GALNT18: variants seen among roughly 807,000 people sequenced by gnomAD.
GALNT18 encodes the protein polypeptide N-acetylgalactosaminyltransferase 18, also known as GalNAc-transferase 18.
A neutral mutation model predicts 69.5 loss-of-function variants in GALNT18; 44 were observed. That is an observed-to-expected ratio of 0.63 (90% confidence interval 0.50 to 0.81). The LOEUF (loss-of-function observed/expected upper bound fraction) is 0.81, where lower values mean the gene tolerates loss of function less well. Ranked by LOEUF, GALNT18 falls within the 40% of genes least tolerant of loss-of-function variation. The pLI is 0.00. For missense variants in GALNT18, 715 were observed against 810.0 expected (o/e 0.88, Z 1.42); for synonymous variants, 364 against 318.2 (o/e 1.14, Z -1.53).
At position 11,413,061 on chromosome 11, in the gene GALNT18, A is replaced by G. The variant is rs1027121497; in HGVS notation, c.595+19560T>C. Among the ~76,000 whole-genome samples, 2 of 152,158 alleles carry G rather than the reference A, an allele frequency of 1.3e-5. No homozygotes were observed. Among genetic ancestry groups the G allele is most frequent in the African/African-American group, 4.8e-5 (2 of 41,426 alleles). On this transcript the variant is annotated intron_variant, in intron 3 of 10. Transcript: ENST00000227756. This position sits in a 1 kb window ranked among gnomAD's most constrained non-coding sequence, Gnocchi z 4.7. Reference sequence around the variant, plus strand: ...AGATCTTCCCACAGTGGTGCCTGGCAGCTCTTATTGGTGGTCTCCCTTCCT... The same window carrying G: ...AGATCTTCCCACAGTGGTGCCTGGCGGCTCTTATTGGTGGTCTCCCTTCCT...
intron 1 of GALNT18, among the ~76,000 whole-genome samples, chr11:11,531,397 A>T (rs928320299): frequency 4.6e-5 from 7 of 152,174 alleles, no homozygotes; most frequent in African/African-American, 7.2e-5. Flanking sequence ...AGTGCCCTGG[A>T]GGAAGAAGCT....
intron 1 of GALNT18, among the ~76,000 whole-genome samples, chr11:11,473,997 A>G (rs2133857946): frequency 6.6e-6 from 1 of 152,284 alleles, no homozygotes; most frequent in East Asian, 1.9e-4. Flanking sequence ...CCTGGGAGGT[A>G]GAGGTTGTAG....
chr11:11,432,800 G>T lies in GALNT18; in HGVS notation c.429-13C>A. 1 of 1,610,498 alleles carries T rather than the reference G, an allele frequency of 6.2e-7. No homozygotes were observed. The highest frequency in any genetic ancestry group is 8.5e-7 in the Non-Finnish European group (1 of 1,177,218). On this transcript the variant is annotated splice_polypyrimidine_tract_variant and intron_variant, in intron 2 of 10. Transcript: ENST00000227756. This position sits in a 1 kb window ranked among gnomAD's most constrained non-coding sequence, Gnocchi z 5.8. ...GAGGTTACGGCACCTGCAAAGAACA[G>T]CCAAGCGCTTAGATTTGTGACTCAG...
rs1855003641 is a variant in GALNT18, at chr11:11,421,485, G to T, written c.595+11136C>A. 6.6e-6 allele frequency among the ~76,000 whole-genome samples: 1 copy of T among 152,184 alleles called. No homozygotes were observed. Among genetic ancestry groups the T allele is most frequent in the Non-Finnish European group, 1.5e-5 (1 of 68,034 alleles). ...AGGGAACAGAGTCTAGCCCCTCAAG[G>T]AAGAGGATTGACCAGGGCTAGCTGG... On this transcript the variant is annotated intron_variant, in intron 3 of 10. Transcript: ENST00000227756. The surrounding 1 kb of genome is among the most constrained non-coding windows in gnomAD (Gnocchi z 5.6).
intron 1 of GALNT18, among the ~76,000 whole-genome samples, chr11:11,508,282 G>T (rs536816366): frequency 6.6e-6 from 1 of 152,048 alleles, no homozygotes; most frequent in Non-Finnish European, 1.5e-5. Context: ...TAGAGGATAC[G>T]CTATTTGAGG....
rs542353375 is a variant in GALNT18 at position 11,600,754 on chromosome 11, T to C, written c.235+20605A>G. Among the ~76,000 whole-genome samples the C allele has an allele frequency of 2.0e-5, 3 of 152,150 alleles. No homozygotes were observed. The highest frequency in any genetic ancestry group is 2.9e-5 in the Non-Finnish European group (2 of 68,012). On this transcript the variant is annotated intron_variant, in intron 1 of 10. Coordinates refer to ENST00000227756, the MANE Select transcript of GALNT18 (RefSeq NM_198516.3). This position sits in a 1 kb window ranked among gnomAD's most constrained non-coding sequence, Gnocchi z 4.8. ...TGGCTTCTTTCTTCTTTCATTCAAG[T>C]ATTCCCATTAAACTTAACATTGCTG... is the stretch of plus-strand genomic sequence containing the variant.
rs909822998 is a variant in GALNT18, at chr11:11,538,770, C to T, written c.235+82589G>A. 2.0e-5 allele frequency among the ~76,000 whole-genome samples: 3 copies of T among 152,194 alleles called. No individual in the cohort carries two copies. Among genetic ancestry groups the T allele is most frequent in the African/African-American group, 7.2e-5 (3 of 41,466 alleles). ...GCGCCATCTGGGAAGCACCTGGCCC[C>T]AGGGCCTGCACATCGCAGGCCCGCT... On this transcript the variant is annotated intron_variant, in intron 1 of 10. Coordinates refer to ENST00000227756, the MANE Select transcript of GALNT18 (RefSeq NM_198516.3). The surrounding 1 kb of genome is among the most constrained non-coding windows in gnomAD (Gnocchi z 5.2).
At chr11:11,526,571 G>A (rs1422919751) in intron 1 of GALNT18, among the ~76,000 whole-genome samples, 1 of 151,926 alleles carries the variant, frequency 6.6e-6, no homozygotes, top group East Asian at 1.9e-4. Flanking sequence ...TGGTTATATT[G>A]CAGTAACAAA....
In GALNT18 at chr11:11,430,700, C is replaced by T. The variant is rs376213341; in HGVS notation, c.595+1921G>A. On this transcript the variant is annotated intron_variant, in intron 3 of 10. Transcript: ENST00000227756. The surrounding 1 kb of genome is among the most constrained non-coding windows in gnomAD (Gnocchi z 4.9). ...ATCATTGACCTCCCCTCTGTTGGCCCGCCTGCCCATGGCTTCTCAGCCAAA... is the reference window on the plus strand; with the variant it reads ...ATCATTGACCTCCCCTCTGTTGGCCTGCCTGCCCATGGCTTCTCAGCCAAA... Among the ~76,000 whole-genome samples the T allele has an allele frequency of 3.0e-3, 453 of 152,312 alleles. 2 individuals are homozygous for T. The highest frequency in any genetic ancestry group is 0.01 in the African/African-American group (424 of 41,578).
At chr11:11,273,741 T>G (rs954758630) in intron 10 of GALNT18, among the ~76,000 whole-genome samples, 1 of 152,318 alleles carries the variant, frequency 6.6e-6, no homozygotes, top group Admixed American at 6.5e-5. Flanking sequence ...ATATCTGCAC[T>G]CCCATGTTTA....
chr11:11,372,014 T>C lies in GALNT18; in HGVS notation c.1092+501A>G, dbSNP rs1445793565. Among the ~76,000 whole-genome samples the C allele has an allele frequency of 1.3e-5, 2 of 152,188 alleles. No homozygotes were observed. Among genetic ancestry groups the C allele is most frequent in the Non-Finnish European group, 2.9e-5 (2 of 68,026 alleles). ...TAGCACCTGGGATCAGAAAGCAGCC[T>C]GCAGTGAGCCTGGCTGCATCTTGCT... On this transcript the variant is annotated intron_variant, in intron 6 of 10. Transcript: ENST00000227756. The surrounding 1 kb of genome is among the most constrained non-coding windows in gnomAD (Gnocchi z 4.9).
At position 11,402,529 on chromosome 11, in the gene GALNT18, T is replaced by G. The variant is rs1481331838; in HGVS notation, c.596-23265A>C. Among the ~76,000 whole-genome samples the G allele has an allele frequency of 6.6e-6, 1 of 152,254 alleles. No homozygotes were observed. Among genetic ancestry groups the G allele is most frequent in the Admixed American group, 6.5e-5 (1 of 15,290 alleles). ...TCTTTTGTCAAGGTGTCCATAGGCC[T>G]CTGCTCAGGGCATGGAGTTATGTGA... On this transcript the variant is annotated intron_variant, in intron 3 of 10. Coordinates refer to ENST00000227756, the MANE Select transcript of GALNT18 (RefSeq NM_198516.3). This position sits in a 1 kb window ranked among gnomAD's most constrained non-coding sequence, Gnocchi z 4.0.
At chr11:11,558,104 T>C (rs1039899464) in intron 1 of GALNT18, among the ~76,000 whole-genome samples, 3 of 152,186 alleles carry the variant, frequency 2.0e-5, no homozygotes, top group Non-Finnish European at 2.9e-5. Flanking sequence ...CCCACACACA[T>C]ATCCTCCTTC....
rs1416501488 is a variant in GALNT18, at chr11:11,541,570, A to G, written c.235+79789T>C. On this transcript the variant is annotated intron_variant, in intron 1 of 10. Coordinates refer to ENST00000227756, the MANE Select transcript of GALNT18 (RefSeq NM_198516.3). The surrounding 1 kb of genome is among the most constrained non-coding windows in gnomAD (Gnocchi z 4.8). ...GATCCAGTCTTAATCCATTAGTCTGACATATAAAGCCTTCCTGGGCTGGCA... is the reference window on the plus strand; with the variant it reads ...GATCCAGTCTTAATCCATTAGTCTGGCATATAAAGCCTTCCTGGGCTGGCA... Among the ~76,000 whole-genome samples, 1 of 152,152 alleles carries G rather than the reference A, an allele frequency of 6.6e-6. No homozygotes were observed. Among genetic ancestry groups the G allele is most frequent in the Non-Finnish European group, 1.5e-5 (1 of 68,036 alleles).
At chr11:11,317,719 T>C (rs555666908) in intron 9 of GALNT18, among the ~76,000 whole-genome samples, 1 of 152,358 alleles carries the variant, frequency 6.6e-6, no homozygotes, top group African/African-American at 2.4e-5. Flanking sequence ...CCTTTTGCTA[T>C]GCAGAAACTC....
chr11:11,579,094 A>G (rs992616977), intron 1 of GALNT18, among the ~76,000 whole-genome samples: 1 of 152,216 alleles, frequency 6.6e-6, no homozygotes, highest in Non-Finnish European at 1.5e-5. Flanking sequence ...ACCCCAGCAG[A>G]CACATAGGTT....
chr11:11,510,847 C>G (rs867813827), intron 1 of GALNT18, among the ~76,000 whole-genome samples: 1 of 152,208 alleles, frequency 6.6e-6, no homozygotes, highest in Non-Finnish European at 1.5e-5. Context: ...TGATAGTGGA[C>G]AGTCCCAGAG....
intron 9 of GALNT18, among the ~76,000 whole-genome samples, chr11:11,322,642 A>G (rs1251845515): frequency 6.6e-6 from 1 of 152,242 alleles, no homozygotes; most frequent in Non-Finnish European, 1.5e-5. Context: ...TATGGGTAAT[A>G]CCAAATGTTG....
chr11:11,375,143 T>C (rs946796981), intron 5 of GALNT18, among the ~76,000 whole-genome samples: 1 of 152,182 alleles, frequency 6.6e-6, no homozygotes, highest in Non-Finnish European at 1.5e-5. Context: ...ACTTACACCA[T>C]GTGTGGGCAA....
Sources: gnomAD v4.1 joint callset for allele counts (sites outside exome capture counted in the v4.1 genomes callset) on GRCh38, gnomAD v4.1.1 for gene constraint, Gnocchi (gnomAD v3.1) non-coding constraint, MANE v1.5 for transcripts, NCBI Gene and HGNC (gene_info 2026-07-23, HGNC 2026-07-21) for gene names.